SNX9: variants seen among roughly 807,000 people sequenced by gnomAD.
SNX9 encodes sorting nexin-9.
In SNX9, 44 loss-of-function variants were observed where a neutral mutation model predicts 89.4. The ratio of observed to expected loss-of-function variants is 0.49; its 90% CI spans 0.39 to 0.63. SNX9 has a LOEUF of 0.63. SNX9 is among the 30% of genes least tolerant of loss of function. The pLI, the probability that SNX9 is intolerant of heterozygous loss-of-function variation, is 0.00. For synonymous variants in SNX9, 236 were observed against 247.8 expected (o/e 0.95, Z 0.45); for missense variants, 578 against 736.1 (o/e 0.79, Z 2.49).
intron 1 of SNX9, among the ~76,000 whole-genome samples, chr6:157,849,511 G>A (rs1009190997): frequency 2.0e-5 from 3 of 152,342 alleles, no homozygotes; most frequent in African/African-American, 7.2e-5. Context: ...CGCTGCAGGC[G>A]GAAGATGAAT....
intron 1 of SNX9, chr6:157,829,173 A>G (rs746546760): frequency 2.9e-5 from 4 of 137,882 alleles, no homozygotes; most frequent in African/African-American, 1.1e-4. Context: ...AACATAATCA[A>G]TTTTACTAAT....
chr6:157,867,056 C>T (rs1466641573), intron 1 of SNX9, among the ~76,000 whole-genome samples: 1 of 152,094 alleles, frequency 6.6e-6, no homozygotes, highest in East Asian at 1.9e-4. Context: ...TCAAGCAATC[C>T]TCCCGCCTCA....
At position 157,823,325 on chromosome 6, in the gene SNX9, GC is replaced by G; in HGVS notation, c.-107del. Reference sequence around the variant, plus strand: ...GCGGAGGAGCGGCCGCCGCGCCGGGGCCCAGCCGGAGCCGCCGCCCTCGCCC... The same window carrying G: ...GCGGAGGAGCGGCCGCCGCGCCGGGGCCAGCCGGAGCCGCCGCCCTCGCCC... On this transcript the variant is annotated 5_prime_UTR_variant, in exon 1 of 18. Coordinates refer to ENST00000392185, the MANE Select transcript of SNX9 (RefSeq NM_016224.5). This position sits in a 1 kb window ranked among gnomAD's most constrained non-coding sequence, Gnocchi z 4.6. 2.0e-6 allele frequency: 2 copies of G among 1,006,478 alleles called. No homozygotes were observed. Among genetic ancestry groups the G allele is most frequent in the East Asian group, 4.8e-5 (1 of 20,724 alleles). 62.3% of individuals were successfully genotyped at this position (1,006,478 alleles called of 1,614,324 possible).
chr6:157,939,995 A>G (rs901962659), intron 16 of SNX9, among the ~76,000 whole-genome samples: 1 of 152,144 alleles, frequency 6.6e-6, no homozygotes, highest in South Asian at 2.1e-4. Context: ...GAAGGAATCC[A>G]TGTATTCAGC....
At chr6:157,898,092 A>G (rs1363542035) in intron 5 of SNX9, among the ~76,000 whole-genome samples, 2 of 152,236 alleles carry the variant, frequency 1.3e-5, no homozygotes, top group Non-Finnish European at 2.9e-5. Flanking sequence ...CAAGAGTTTT[A>G]GGAGCTCTGT....
chr6:157,871,059 A>G (rs1782398618), intron 2 of SNX9, among the ~76,000 whole-genome samples: 1 of 152,260 alleles, frequency 6.6e-6, no homozygotes, highest in Non-Finnish European at 1.5e-5. Context: ...GCATATTTAG[A>G]AAACGTACTT....
intron 16 of SNX9, among the ~76,000 whole-genome samples, chr6:157,939,828 C>G (rs1188088701): frequency 6.6e-6 from 1 of 152,086 alleles, no homozygotes; most frequent in African/African-American, 2.4e-5. Context: ...AAATGTAGAA[C>G]AGTTTGCATG....
chr6:157,900,095 G>A (rs9356113), intron 5 of SNX9, among the ~76,000 whole-genome samples: 17 of 151,930 alleles, frequency 1.1e-4, no homozygotes, highest in South Asian at 8.3e-4. Flanking sequence ...CTAGTTCCCC[G>A]TCTCCCTGCC....
chr6:157,897,940 C>T (rs1783014543), intron 5 of SNX9, among the ~76,000 whole-genome samples: 1 of 152,184 alleles, frequency 6.6e-6, no homozygotes. Flanking sequence ...CCCATCCCAC[C>T]AGGAGTCACC....
At chr6:157,889,325 G>A (rs983731898) in intron 4 of SNX9, among the ~76,000 whole-genome samples, 1 of 151,672 alleles carries the variant, frequency 6.6e-6, no homozygotes, top group Non-Finnish European at 1.5e-5. Flanking sequence ...TAGCTACTTG[G>A]GAGGCTGAGG....
chr6:157,831,159 A>G (rs1362255635), intron 1 of SNX9, among the ~76,000 whole-genome samples: 1 of 152,220 alleles, frequency 6.6e-6, no homozygotes, highest in Admixed American at 6.5e-5. Flanking sequence ...TGATTCAGCC[A>G]TCCGTTTCTG....
At chr6:157,911,386 G>A (rs1023425696) in intron 9 of SNX9, among the ~76,000 whole-genome samples, 4 of 152,208 alleles carry the variant, frequency 2.6e-5, no homozygotes, top group African/African-American at 9.6e-5. Flanking sequence ...GAAGACAAGA[G>A]GCGGTGGAAT....
chr6:157,836,597 CT>C (rs781102121), intron 1 of SNX9, among the ~76,000 whole-genome samples: 446 of 143,648 alleles, frequency 3.1e-3, no homozygotes, highest in Non-Finnish European at 3.0e-3. Context: ...TCTTTTCTTT[CT>C]TTTTTTTTTT....
chr6:157,844,905 T>TA (rs1781776201), intron 1 of SNX9, among the ~76,000 whole-genome samples: 1 of 152,022 alleles, frequency 6.6e-6, no homozygotes, highest in Non-Finnish European at 1.5e-5. Context: ...GTCGTCCTTG[T>TA]TTTAAACATC....
At position 157,841,577 on chromosome 6, in the gene SNX9, G is replaced by A. The variant is rs372300232; in HGVS notation, c.12+18131G>A. The stretch of plus-strand genomic sequence containing the variant: ...ACAGCCCATGTGGGGTGTGGGGATC[G>A]GGGCCAGTGAAGTAGGCTGTGTGTA... On this transcript the variant is annotated intron_variant, in intron 1 of 17. Coordinates refer to ENST00000392185, the MANE Select transcript of SNX9 (RefSeq NM_016224.5). 4.6e-5 allele frequency among the ~76,000 whole-genome samples: 7 copies of A among 152,156 alleles called. No individual in the cohort carries two copies. The East Asian group carries it at 1.2e-3, about 25-fold the overall frequency.
intron 9 of SNX9, 68 bp from the exon 10 acceptor site, chr6:157,921,463 G>A: frequency 6.5e-7 from 1 of 1,527,730 alleles, no homozygotes; most frequent in Non-Finnish European, 8.9e-7. Flanking sequence ...TGGTTTTTCA[G>A]TTACAGTATG....
chr6:157,856,944 C>T (rs1350687113), intron 1 of SNX9, among the ~76,000 whole-genome samples: 1 of 151,886 alleles, frequency 6.6e-6, no homozygotes, highest in Non-Finnish European at 1.5e-5. Flanking sequence ...TGATCTCATT[C>T]TATTATTCCT....
chr6:157,920,374 C>A (rs1431091817), intron 9 of SNX9, among the ~76,000 whole-genome samples: 1 of 152,208 alleles, frequency 6.6e-6, no homozygotes, highest in African/African-American at 2.4e-5. Context: ...GCCACTGACA[C>A]CACCATTGAA....
chr6:157,901,963 G>A lies in SNX9; in HGVS notation c.538G>A (p.Asp180Asn), dbSNP rs61748681. 0.011 allele frequency: 17,473 copies of A among 1,613,460 alleles called. 134 individuals are homozygous for A. Among genetic ancestry groups the A allele is most frequent in the Middle Eastern group, 0.013 (79 of 6,062 alleles). Residue 180 changes from aspartate to asparagine, a missense_variant, in exon 6 of 18, where the codon GAT becomes AAT. Transcript: ENST00000392185. The part of the protein sequence containing the change: ...DGPKSSSYFK[D>N]SESADAGGAQ... ...GCCCAAATCCTCTTCCTACTTTAAG[G>A]ATTCAGAGTCAGCTGATGCAGGCGG... is the stretch of plus-strand genomic sequence containing the variant.
Sources: allele counts gnomAD v4.1 joint callset (sites outside exome capture counted in the v4.1 genomes callset), GRCh38; gene constraint gnomAD v4.1.1; non-coding constraint Gnocchi (gnomAD v3.1); transcripts MANE v1.5; gene names NCBI Gene and HGNC (gene_info 2026-07-23, HGNC 2026-07-21).